Variants in TCF20 observed in about 807,000 individuals in gnomAD.
TCF20 encodes SPRE-binding protein.
A neutral mutation model predicts 148.6 loss-of-function variants in TCF20; 3 were observed. That is an observed-to-expected ratio of 0.02 (90% CI 0.01 to 0.05). The LOEUF is 0.05. Among genes scored for constraint, TCF20 ranks in the 10% least tolerant of loss-of-function variants. The probability of loss-of-function intolerance (pLI) is 1.00; values close to 1 mark genes in which losing one functional copy is unlikely to be tolerated. For synonymous variants in TCF20, 1,049 were observed against 909.5 expected (o/e 1.15, Z -2.76); for missense variants, 2,350 against 2,429.3 (o/e 0.97, Z 0.69).
Position 42,292,711 on chromosome 22 carries a change from C to T in TCF20, c.-37+50768G>A, listed in dbSNP as rs1555955736. 6.6e-6 allele frequency among the ~76,000 whole-genome samples: 1 copy of T among 152,000 alleles called. No homozygotes were observed. Among genetic ancestry groups the T allele is most frequent in the Non-Finnish European group, 1.5e-5 (1 of 68,000 alleles). On this transcript the variant is annotated intron_variant, in intron 1 of 1. Coordinates refer to the TCF20 transcript ENST00000515426. This position sits in a 1 kb window ranked among gnomAD's most constrained non-coding sequence, Gnocchi z 4.9. ...CAGCACACACCTGGGACACAGGACC[C>T]CACGGCTAGGAAGACAAGGCTCGGA...
At chr22:42,232,512 A>C (rs1305145830) in intron 1 of TCF20, among the ~76,000 whole-genome samples, 1 of 152,158 alleles carries the variant, frequency 6.6e-6, no homozygotes, top group African/African-American at 2.4e-5. Flanking sequence ...GTGGGATTAC[A>C]GGGCATAGTC....
At chr22:42,183,514 T>C (rs2899355) in intron 2 of TCF20, among the ~76,000 whole-genome samples, 50,527 of 152,048 alleles carry the variant, frequency 0.33, 9,966 homozygotes, top group South Asian at 0.45. Context: ...GCCTGGAAGA[T>C]GGGAGAAGGG....
rs564015330 is a variant in TCF20 at position 42,171,697 on chromosome 22, T to C, written c.5750-1801A>G. On this transcript the variant is annotated intron_variant, in intron 3 of 5. Transcript: ENST00000677622. ...CTGCTCCAATCTGCCAGAGAGTTTA[T>C]AAACAGCAGGAGCCAGACAACTGGA... Among the ~76,000 whole-genome samples, 3 of 152,314 alleles carry C rather than the reference T, an allele frequency of 2.0e-5. No homozygotes were observed. The East Asian group carries it at 5.8e-4, about 29-fold the overall frequency.
intron 2 of TCF20, among the ~76,000 whole-genome samples, chr22:42,204,688 T>C (rs1042606618): frequency 6.6e-6 from 1 of 151,612 alleles, no homozygotes; most frequent in African/African-American, 2.4e-5. Context: ...CTATTAAAAA[T>C]ACAAAAATTA....
At chr22:42,270,726 G>C (rs914895539), upstream of TCF20, among the ~76,000 whole-genome samples, 1 of 143,472 alleles carries the variant, frequency 7.0e-6, no homozygotes, top group Non-Finnish European at 1.5e-5. Flanking sequence ...GGGAGGGCGC[G>C]CGGCGGGGCG....
chr22:42,264,590 A>T (rs1048655920), intron 1 of TCF20, among the ~76,000 whole-genome samples: 2 of 152,234 alleles, frequency 1.3e-5, no homozygotes, highest in African/African-American at 4.8e-5. Flanking sequence ...TACTTTGTTT[A>T]ATGTCATTTT....
chr22:42,175,821 GTT>G (rs1163678962), intron 3 of TCF20, among the ~76,000 whole-genome samples: 1 of 151,528 alleles, frequency 6.6e-6, no homozygotes, highest in Non-Finnish European at 1.5e-5. Context: ...CTTCATTTTT[GTT>G]TTGAGATAGG....
chr22:42,314,919 C>T (rs1271856077), intron 1 of TCF20, among the ~76,000 whole-genome samples: 3 of 152,066 alleles, frequency 2.0e-5, no homozygotes, highest in Admixed American at 6.5e-5. Context: ...GGTGGCAGAG[C>T]GGAAGGCCCT....
At chr22:42,251,869 A>G (rs941392544) in intron 1 of TCF20, among the ~76,000 whole-genome samples, 5 of 151,866 alleles carry the variant, frequency 3.3e-5, no homozygotes, top group African/African-American at 9.7e-5. Context: ...TTGGATTTCG[A>G]TATTTTGGGA....
intron 2 of TCF20, among the ~76,000 whole-genome samples, chr22:42,191,266 C>T (rs1183597196): frequency 3.3e-5 from 5 of 152,090 alleles, no homozygotes; most frequent in African/African-American, 9.7e-5. Context: ...ACCAAACTTG[C>T]CTTTTTTTCT....
upstream of TCF20, among the ~76,000 whole-genome samples, chr22:42,275,351 C>A (rs1256285794): frequency 6.6e-6 from 1 of 152,196 alleles, no homozygotes; most frequent in African/African-American, 2.4e-5. Flanking sequence ...TCGACTTACA[C>A]ATCTTCCCCA....
chr22:42,192,504 G>A (rs1174095255), intron 2 of TCF20, among the ~76,000 whole-genome samples: 1 of 152,204 alleles, frequency 6.6e-6, no homozygotes, highest in African/African-American at 2.4e-5. Context: ...ATTCCTGGAA[G>A]TGGCAAGTTT....
chr22:42,205,658 A>C (rs568076159), intron 2 of TCF20, among the ~76,000 whole-genome samples: 1 of 152,366 alleles, frequency 6.6e-6, no homozygotes, highest in Admixed American at 6.5e-5. Context: ...GTGTAATTTT[A>C]ATTTGTCCTT....
At chr22:42,241,502 G>T (rs142653739) in intron 1 of TCF20, among the ~76,000 whole-genome samples, 168 of 152,340 alleles carry the variant, frequency 1.1e-3, no homozygotes, top group African/African-American at 3.9e-3. Context: ...TAAGATATTG[G>T]TAAGAACTAT....
chr22:42,283,109 G>C (rs1262169485), intron 1 of TCF20, among the ~76,000 whole-genome samples: 1 of 152,146 alleles, frequency 6.6e-6, no homozygotes, highest in Non-Finnish European at 1.5e-5. Flanking sequence ...ACAAAATGAC[G>C]GCTCCCTCGA....
Position 42,283,297 on chromosome 22 carries a change from G to A in TCF20, c.-37+530C>T, listed in dbSNP as rs77277398. ...AGAACATGCCTGGAAATAGTGGAGG[G>A]GGGGAGAGGGAGCAGCCAGCCCCAA... On this transcript the variant is annotated intron_variant, in intron 1 of 5. Transcript: ENST00000359486. Among the ~76,000 whole-genome samples the A allele has an allele frequency of 2.1e-3, 324 of 152,326 alleles. 2 individuals carry two copies. Among genetic ancestry groups the A allele is most frequent in the African/African-American group, 7.4e-3 (307 of 41,578 alleles).
At chr22:42,248,737 T>C (rs907317016) in intron 1 of TCF20, among the ~76,000 whole-genome samples, 2 of 152,086 alleles carry the variant, frequency 1.3e-5, no homozygotes, top group Admixed American at 1.3e-4. Flanking sequence ...AAAGCCGAAT[T>C]TTGGGGCAGG....
chr22:42,163,511 C>G (rs1470318909), intron 5 of TCF20, among the ~76,000 whole-genome samples: 1 of 152,224 alleles, frequency 6.6e-6, no homozygotes, highest in African/African-American at 2.4e-5. Flanking sequence ...GTGCCAGGCC[C>G]TGGGCTAGAA....
chr22:42,209,933 G>T lies in TCF20; in HGVS notation c.5373C>A (p.Arg1791=). The part of the protein sequence containing the change: ...AAHPRFKRRH[R]SEDCGGGPRS... Reference sequence around the variant, plus strand: ...GAGGGCCTCCACCACAGTCTTCCGAGCGGTGGCGCCGCTTAAACCTGGGGT... The same window carrying T: ...GAGGGCCTCCACCACAGTCTTCCGATCGGTGGCGCCGCTTAAACCTGGGGT... The change falls in exon 2 of 6, where the codon CGC becomes CGA. Residue 1791 remains arginine (R), a synonymous_variant. Transcript: ENST00000677622. 1 of 1,614,156 alleles carries T rather than the reference G, an allele frequency of 6.2e-7. No homozygotes were observed. The highest frequency in any genetic ancestry group is 8.5e-7 in the Non-Finnish European group (1 of 1,180,040).
Sources: gnomAD v4.1 joint callset for allele counts (sites outside exome capture counted in the v4.1 genomes callset) on GRCh38, gnomAD v4.1.1 for gene constraint, Gnocchi (gnomAD v3.1) non-coding constraint, MANE v1.5 for transcripts, NCBI Gene and HGNC (gene_info 2026-07-23, HGNC 2026-07-21) for gene names.